Variants in ARX observed in about 807,000 individuals in gnomAD.
The protein encoded by ARX is homeobox protein ARX.
Under a neutral mutation model 23.1 loss-of-function variants are expected in ARX, and 1 was observed. The ratio of observed to expected loss-of-function variants is 0.04; its 90% CI spans 0.02 to 0.21. The LOEUF is 0.21. Among genes scored for constraint, ARX ranks in the 10% least tolerant of loss-of-function variants. ARX has a pLI of 1.00. For synonymous variants in ARX, 301 were observed against 270.1 expected (o/e 1.11, Z -1.12); for missense variants, 380 against 527.5 (o/e 0.72, Z 2.74).
At chrX:25,010,171 C>A in intron 3 of ARX, 89 bp downstream of exon 3, 1 of 936,338 alleles carries the variant, frequency 1.1e-6, no homozygotes, top group South Asian at 2.1e-5. Context: ...GATCTCACCC[C>A]CCGCACCCCC....
In ARX at chrX:25,015,353, C is replaced by CAGGG. The variant is rs756970470; in HGVS notation, c.196+185_196+188dup. Among the ~76,000 whole-genome samples, 194 of 111,084 alleles carry CAGGG rather than the reference C, an allele frequency of 1.7e-3. No homozygotes were observed. The East Asian group carries it at 0.042, about 24-fold the overall frequency. ...GCGAAAACGGGCCTTTTTCTGGAAG[C>CAGGG]AGGGAGGGAGGGAGGGAGAGACAGC... On this transcript the variant is annotated intron_variant, in intron 1 of 4. Transcript: ENST00000379044.
intron 1 of ARX, among the ~76,000 whole-genome samples, chrX:25,014,069 A>C (rs1601948921): frequency 6.9e-5 from 6 of 87,180 alleles, no homozygotes; most frequent in East Asian, 7.1e-4. Context: ...TCCCCCTTTT[A>C]TTTCCTATCT....
Position 25,015,666 on chromosome X carries a change from G to A in ARX, c.72C>T (p.Leu24=). ...PECKSKSPTL[L]SSYCIDSILG... ...GGATGCTGTCGATGCAGTAGGAGGA[G>A]AGCAAAGTTGGAGATTTACTTTTGC... Residue 24 remains leucine, a synonymous_variant, in exon 1 of 5, where the codon CTC becomes CTT. Transcript: ENST00000379044. 1 of 1,208,263 alleles carries A rather than the reference G, an allele frequency of 8.3e-7. No individual in the cohort carries two copies. The highest frequency in any genetic ancestry group is 1.1e-6 in the Non-Finnish European group (1 of 893,590).
chrX:25,013,506 C>T lies in ARX; in HGVS notation c.489G>A (p.Gln163=). 1.2e-6 allele frequency: 1 copy of T among 861,535 alleles called. No individual in the cohort carries two copies. The highest frequency in any genetic ancestry group is 2.2e-5 in the African/African-American group (1 of 45,218). The allele number at this position is 861,535 out of a possible 1,213,427, so 71.0% of individuals were successfully genotyped here. Residue 163 remains glutamine, a synonymous_variant, in exon 2 of 5, where the codon CAG becomes CAA. Transcript: ENST00000379044. ...AAAWDTLKIS[Q]APQVSISRSK... ...TGCGGCTGATGCTCACCTGCGGCGCCTGGCTGATCTTGAGCGTGTCCCAGG... is the reference window on the plus strand; with the variant it reads ...TGCGGCTGATGCTCACCTGCGGCGCTTGGCTGATCTTGAGCGTGTCCCAGG...
rs1343867132 is a variant in ARX, at chrX:25,003,724, A to G, written c.*946T>C. 1.8e-5 allele frequency: 2 copies of G among 111,950 alleles called. No individual in the cohort carries two copies. Among genetic ancestry groups the G allele is most frequent in the Admixed American group, 1.9e-4 (2 of 10,599 alleles). 9.2% of individuals were successfully genotyped at this position (111,950 alleles called of 1,213,427 possible). On this transcript the variant is annotated 3_prime_UTR_variant, in exon 5 of 5. Coordinates refer to ENST00000379044, the MANE Select transcript of ARX (RefSeq NM_139058.3). ...TTAAACATATAATTTTTTTATTTTG[A>G]GCGTGACACTTCTCCACTAGATAGC...
At position 25,013,406 on chromosome X, in the gene ARX, C is replaced by A; in HGVS notation, c.589G>T (p.Gly197Cys). 9.8e-7 allele frequency: 1 copy of A among 1,019,602 alleles called. No individual in the cohort carries two copies. The highest frequency in any genetic ancestry group is 1.2e-6 in the Non-Finnish European group (1 of 809,400). 84.0% of individuals were successfully genotyped at this position (1,019,602 alleles called of 1,213,427 possible). A position where few individuals can be genotyped will look rare whatever the true frequency, so the allele number is the denominator to read the frequency against. ...PALDELGGPG[G>C]VTHPEERLGV... is the part of the protein sequence containing the mutation. ...AGGCGCTCCTCCGGGTGCGTGACGC[C>A]CCCCGGGCCGCCCAGCTCGTCCAGC... The change falls in exon 2 of 5, where the codon GGC (glycine) becomes TGC (cysteine). Residue 197 changes from glycine to cysteine, a missense_variant. Transcript: ENST00000379044.
At chrX:25,013,921 C>T (rs768044996) in intron 1 of ARX, 123 bp from the exon 2 acceptor site, 1 of 857,555 alleles carries the variant, frequency 1.2e-6, no homozygotes, top group South Asian at 6.4e-5. Flanking sequence ...GGACCGCGCA[C>T]CACCAGACTT....
At chrX:25,012,818 C>T in intron 2 of ARX, 104 bp downstream of exon 2, 2 of 1,154,420 alleles carry the variant, frequency 1.7e-6, no homozygotes, top group Non-Finnish European at 2.3e-6. Flanking sequence ...AGTCCAGGAG[C>T]CAAGCGTCCG....
chrX:25,010,170 C>T, intron 3 of ARX, 90 bp downstream of exon 3: 1 of 913,575 alleles, frequency 1.1e-6, no homozygotes, highest in African/African-American at 2.0e-5. Context: ...GGATCTCACC[C>T]CCCGCACCCC....
In ARX at chrX:25,013,530, G is replaced by A; in HGVS notation, c.465C>T (p.Ala155=). ...CCTGGCTGATCTTGAGCGTGTCCCAGGCCGCGGCGGCCGCGGCCGCGGCTG... is the reference window on the plus strand; with the variant it reads ...CCTGGCTGATCTTGAGCGTGTCCCAAGCCGCGGCGGCCGCGGCCGCGGCTG... ...AAAAAAAAAA[A]WDTLKISQAP... Residue 155 remains alanine (A), a synonymous_variant, in exon 2 of 5, where the codon GCC becomes GCT. Transcript: ENST00000379044. 1.2e-6 allele frequency: 1 copy of A among 816,129 alleles called. No homozygotes were observed. The highest frequency in any genetic ancestry group is 1.5e-6 in the Non-Finnish European group (1 of 683,171). The allele number at this position is 816,129 out of a possible 1,213,427, so 67.3% of individuals were successfully genotyped here.
At chrX:25,012,563 T>C (rs912942255) in intron 2 of ARX, among the ~76,000 whole-genome samples, 1 of 113,034 alleles carries the variant, frequency 8.8e-6, no homozygotes, top group Non-Finnish European at 1.9e-5. Flanking sequence ...TCCGGAGGCC[T>C]TGTGTCTGTG....
Position 25,015,617 on chromosome X carries a change from T to G in ARX, c.121A>C (p.Met41Leu), listed in dbSNP as rs2147325425. The part of the protein sequence containing the change: ...SILGRRSPCK[M>L]RLLGAAQSLP... ...CTCTGCGCGGCTCCCAGCAACCGCATTTTGCACGGGCTCCTCCGGCCCAGG... is the reference window on the plus strand; with the variant it reads ...CTCTGCGCGGCTCCCAGCAACCGCAGTTTGCACGGGCTCCTCCGGCCCAGG... The change falls in exon 1 of 5, where the codon ATG (methionine) becomes CTG (leucine). Residue 41 changes from methionine (M) to leucine (L), a missense_variant. Around this residue, in one of 3 missense-constraint regions of ARX, gnomAD observed 235 missense variants for 270.2 expected, o/e 0.87. Transcript: ENST00000379044. The G allele has an allele frequency of 1.7e-6, 2 of 1,210,104 alleles. No individual in the cohort carries two copies. The highest frequency in any genetic ancestry group is 1.8e-5 in the South Asian group (1 of 56,431).
At chrX:25,007,048 GC>G in intron 4 of ARX, 62 bp downstream of exon 4, 1 of 1,131,978 alleles carries the variant, frequency 8.8e-7, no homozygotes. Context: ...CCTCCTCCCT[GC>G]CCCCAGCCTC....
intron 1 of ARX, among the ~76,000 whole-genome samples, chrX:25,014,457 G>C (rs1470201464): frequency 8.8e-6 from 1 of 113,210 alleles, no homozygotes; most frequent in African/African-American, 3.2e-5. Context: ...TGCGGGGCGG[G>C]GTGGGGGAAA....
At position 25,004,829 on chromosome X, in the gene ARX, G is replaced by A. The variant is rs769107210; in HGVS notation, c.1530C>T (p.Gly510=). The A allele has an allele frequency of 1.7e-6, 2 of 1,174,895 alleles. No individual in the cohort carries two copies. Among genetic ancestry groups the A allele is most frequent in the African/African-American group, 1.8e-5 (1 of 56,918 alleles). ...LLRQPTPAVE[G]AVASGALADP... ...CGGCCAGGGCGCCCGATGCCACTGC[G>A]CCCTCCACGGCGGGTGTGGGCTGTC... The change falls in exon 5 of 5, where the codon GGC becomes GGT. Residue 510 remains glycine, a synonymous_variant. Transcript: ENST00000379044.
chrX:25,013,932 C>A, intron 1 of ARX, 134 bp from the exon 2 acceptor site: 2 of 845,964 alleles, frequency 2.4e-6, no homozygotes, highest in East Asian at 5.3e-5. Flanking sequence ...CACCAGACTT[C>A]GACGCCTTGG....
chrX:25,014,464 G>A (rs981962177), intron 1 of ARX, among the ~76,000 whole-genome samples: 29 of 113,095 alleles, frequency 2.6e-4, no homozygotes, highest in African/African-American at 8.0e-4. Context: ...CGGGGTGGGG[G>A]AAAGCGGCCC....
At position 25,007,491 on chromosome X, in the gene ARX, C is replaced by G. The variant is rs1316680810; in HGVS notation, c.1120-52G>C. On this transcript the variant is annotated intron_variant, in intron 3 of 4. Coordinates refer to ENST00000379044, the MANE Select transcript of ARX (RefSeq NM_139058.3). Reference sequence around the variant, plus strand: ...GGCGCGGCTCGGCCCGGCGGGCGCACCGGGCCCCTACCCGTCCCTTCCCTT... The same window carrying G: ...GGCGCGGCTCGGCCCGGCGGGCGCAGCGGGCCCCTACCCGTCCCTTCCCTT... 3.5e-6 allele frequency: 4 copies of G among 1,131,620 alleles called. No individual in the cohort carries two copies. The South Asian group carries it at 8.0e-5, about 23-fold the overall frequency. 93.3% of individuals were successfully genotyped at this position (1,131,620 alleles called of 1,213,427 possible).
rs764605075 is a variant in ARX at position 25,004,367 on chromosome X, G to C, written c.*303C>G. ...TTTTACTTCAATATCAGGCGTCTGG[G>C]GGAGAAAACCTCCCCGATATTTTCA... On this transcript the variant is annotated 3_prime_UTR_variant, in exon 5 of 5. Transcript: ENST00000379044. 3.3e-6 allele frequency: 1 copy of C among 302,632 alleles called. No individual in the cohort carries two copies. Among genetic ancestry groups the C allele is most frequent in the South Asian group, 7.0e-5 (1 of 14,257 alleles). The allele number at this position is 302,632 out of a possible 1,213,427, so 24.9% of individuals were successfully genotyped here.
Sources: allele counts gnomAD v4.1 joint callset (sites outside exome capture counted in the v4.1 genomes callset), GRCh38; gene constraint gnomAD v4.1.1; regional missense constraint gnomAD v4.1.1; transcripts MANE v1.5; gene names NCBI Gene and HGNC (gene_info 2026-07-23, HGNC 2026-07-21).